The following OTOF variants were observed in gnomAD, a reference collection of about 807,000 sequenced individuals.
OTOF encodes fer-1-like family member 2.
OTOF carries 218 observed loss-of-function variants against 236.8 expected under a neutral mutation model. The observed-to-expected ratio is 0.92, with a 90% CI of 0.82 to 1.03. The LOEUF is 1.03. Among genes scored for constraint, OTOF ranks in the 50% least tolerant of loss-of-function variants. The pLI, the probability that OTOF is intolerant of heterozygous loss-of-function variation, is 0.00. For missense variants in OTOF, 2,590 were observed against 2,694.4 expected (o/e 0.96, Z 0.86); for synonymous variants, 1,041 against 1,072.5 (o/e 0.97, Z 0.57).
At position 26,473,468 on chromosome 2, in the gene OTOF, A is replaced by G. The variant is rs1309577953; in HGVS notation, c.3508T>C (p.Ser1170Pro). 1 of 1,613,092 alleles carries G rather than the reference A, an allele frequency of 6.2e-7. No individual in the cohort carries two copies. The highest frequency in any genetic ancestry group is 8.5e-7 in the Non-Finnish European group (1 of 1,179,972). The change falls in exon 28 of 47, where the codon TCC becomes CCC. Residue 1170 changes from serine (S) to proline (P), a missense_variant. Ser to Pro is a moderately conservative substitution (Grantham distance 74). Coordinates refer to ENST00000272371, the MANE Select transcript of OTOF (RefSeq NM_194248.3). This position sits in a 1 kb window ranked among gnomAD's most constrained non-coding sequence, Gnocchi z 7.2. ...TTCTTCTTATAATTGTGGATCAGGG[A>G]CGACTGCACCCCCTTCCCTGCACAC... is the stretch of plus-strand genomic sequence containing the variant. ...IECAGKGVQS[S>P]LIHNYKKNPN...
intron 1 of OTOF, among the ~76,000 whole-genome samples, chr2:26,551,003 C>A (rs574586998): frequency 6.6e-6 from 1 of 152,080 alleles, no homozygotes; most frequent in African/African-American, 2.4e-5. Context: ...TTTTTTCCCC[C>A]CCTTGAGACA....
rs1338347551 is a variant in OTOF, at chr2:26,462,617, C to G, written c.5193-436G>C. 1.3e-5 allele frequency among the ~76,000 whole-genome samples: 2 copies of G among 152,204 alleles called. No homozygotes were observed. Among genetic ancestry groups the G allele is most frequent in the African/African-American group, 2.4e-5 (1 of 41,432 alleles). On this transcript the variant is annotated intron_variant, in intron 41 of 46. Coordinates refer to ENST00000272371, the MANE Select transcript of OTOF (RefSeq NM_194248.3). The surrounding 1 kb of genome is among the most constrained non-coding windows in gnomAD (Gnocchi z 4.7). ...ACTAAAAATTGATCTGAGCATGGCT[C>G]TCCTGGGATTGCAGACAGGGCTGCG...
chr2:26,464,072 C>T lies in OTOF; in HGVS notation c.4995G>A (p.Leu1665=), dbSNP rs111033371. Residue 1665 remains leucine, a synonymous_variant, in exon 40 of 47, where the codon CTG becomes CTA. Transcript: ENST00000272371. ...QRKPTDEHVA[L]LALRHWEDIP... is the part of the protein sequence containing the mutation. ...TGTCCTCCCAGTGCCTCAGGGCCAA[C>T]AGCGCCACATGCTCGTCTGTGGGCT... 2 of 1,613,670 alleles carry T rather than the reference C, an allele frequency of 1.2e-6. No homozygotes were observed. The highest frequency in any genetic ancestry group is 1.1e-5 in the South Asian group (1 of 91,088).
At position 26,495,960 on chromosome 2, in the gene OTOF, C is replaced by G. The variant is rs6722713; in HGVS notation, c.766-887G>C. On this transcript the variant is annotated intron_variant, in intron 8 of 46. Transcript: ENST00000272371. ...GCATTTCTGGAATTTGGCTCCCCCC[C>G]CTTTCCACATTGTTTGCTGAATTTC... Among the ~76,000 whole-genome samples, 1,244 of 152,222 alleles carry G rather than the reference C, an allele frequency of 8.2e-3. 19 individuals are homozygous for G. Among genetic ancestry groups the G allele is most frequent in the African/African-American group, 0.028 (1,178 of 41,504 alleles).
rs1431710843 is a variant in OTOF at position 26,489,121 on chromosome 2, C to G, written c.1045+90G>C. The G allele has an allele frequency of 3.2e-6, 3 of 942,280 alleles. No homozygotes were observed. In the African/African-American group the frequency reaches 4.9e-5, roughly 15 times the overall value. The allele number at this position is 942,280 out of a possible 1,614,324, so 58.4% of individuals were successfully genotyped here. ...AGACTGTGGTCCTTGCCAGCCTTTT[C>G]CCAGGAACTGCCACAGTGGGAAGGG... is the stretch of plus-strand genomic sequence containing the variant. On this transcript the variant is annotated intron_variant, in intron 11 of 46. Coordinates refer to ENST00000272371, the MANE Select transcript of OTOF (RefSeq NM_194248.3).
chr2:26,518,567 G>A (rs768926650), intron 4 of OTOF, among the ~76,000 whole-genome samples: 8 of 152,262 alleles, frequency 5.3e-5, no homozygotes, highest in Non-Finnish European at 7.3e-5. Flanking sequence ...TAGTGCACGC[G>A]TGCTCACGCA....
intron 2 of OTOF, among the ~76,000 whole-genome samples, chr2:26,529,693 T>G (rs1175706763): frequency 1.3e-5 from 2 of 151,948 alleles, no homozygotes; most frequent in Non-Finnish European, 2.9e-5. Context: ...AGGGCCTGTC[T>G]CAGGAAAACG....
intron 3 of OTOF, 85 bp from the exon 4 acceptor site, chr2:26,519,194 T>C (rs1468596745): frequency 6.4e-6 from 6 of 940,182 alleles, no homozygotes; most frequent in Non-Finnish European, 1.0e-5. Context: ...CTGTGACTGC[T>C]TGGGGAGGAC....
chr2:26,501,681 T>C (rs909124475), intron 8 of OTOF, 73 bp downstream of exon 8: 3 of 1,019,514 alleles, frequency 2.9e-6, no homozygotes, highest in East Asian at 2.4e-5. Flanking sequence ...GTATAGTGGA[T>C]AATGCACATC....
intron 1 of OTOF, among the ~76,000 whole-genome samples, chr2:26,557,421 G>A (rs1369394428): frequency 6.6e-6 from 1 of 152,120 alleles, no homozygotes; most frequent in African/African-American, 2.4e-5. Flanking sequence ...AGAGGTGGGT[G>A]GTGAAGGACA....
At chr2:26,510,696 G>C in intron 5 of OTOF, 1 of 1,288,652 alleles carries the variant, frequency 7.8e-7, no homozygotes, top group African/African-American at 1.5e-5. Context: ...CCTCGCCTGG[G>C]ACACCTACTT....
intron 8 of OTOF, among the ~76,000 whole-genome samples, chr2:26,501,203 CTTT>C (rs1666108462): frequency 6.6e-6 from 1 of 152,180 alleles, no homozygotes; most frequent in Admixed American, 6.5e-5. Context: ...GTCAACCTCT[CTTT>C]GTCTCAGTCT....
intron 8 of OTOF, among the ~76,000 whole-genome samples, chr2:26,499,864 C>G (rs1326424766): frequency 1.3e-5 from 2 of 152,194 alleles, no homozygotes; most frequent in African/African-American, 2.4e-5. Context: ...CCTCATAGCT[C>G]TCACTCAAAT....
chr2:26,501,064 C>G (rs911177517), intron 8 of OTOF, among the ~76,000 whole-genome samples: 1 of 152,196 alleles, frequency 6.6e-6, no homozygotes, highest in Non-Finnish European at 1.5e-5. Flanking sequence ...TCCTGTTAGC[C>G]TCCAAGGGAG....
rs371116849 is a variant in OTOF at position 26,464,857 on chromosome 2, G to A, written c.4960+12C>T. On this transcript the variant is annotated intron_variant, in intron 39 of 46. Coordinates refer to ENST00000272371, the MANE Select transcript of OTOF (RefSeq NM_194248.3). The stretch of plus-strand genomic sequence containing the variant: ...GAGAGGGGGCAGGCGGCTGCATCCA[G>A]TGCCCCATTACCGTTCTCGTCCTCA... 1.7e-5 allele frequency: 27 copies of A among 1,600,808 alleles called. No individual in the cohort carries two copies. Among genetic ancestry groups the A allele is most frequent in the Non-Finnish European group, 2.1e-5 (25 of 1,173,328 alleles).
rs727504911 is a variant in OTOF at position 26,519,102 on chromosome 2, C to T, written c.235G>A (p.Gly79Arg). Reference protein sequence around the residue: ...YSKVFSNKLIGTFRMVLQKVV... With the variant: ...YSKVFSNKLIRTFRMVLQKVV... ...TTCTGCAGCACCATGCGGAAGGTCC[C>T]GATGAGCCTGGGGATGGCAGAGGGG... The change falls in exon 4 of 47, where the codon GGG becomes AGG. Residue 79 changes from glycine (G) to arginine (R), a missense_variant. Physicochemically the swap from Gly to Arg is moderately radical, Grantham distance 125. Coordinates refer to ENST00000272371, the MANE Select transcript of OTOF (RefSeq NM_194248.3). 23 of 1,597,098 alleles carry T rather than the reference C, an allele frequency of 1.4e-5. No individual in the cohort carries two copies. In the East Asian group the frequency reaches 1.8e-4, roughly 12 times the overall value.
Position 26,484,616 on chromosome 2 carries a change from T to A in OTOF, c.1063A>T (p.Lys355Ter). Residue 355 changes from lysine to a stop codon, truncating the protein, a stop_gained, in exon 12 of 47, where the codon AAG (lysine) becomes TAG (stop). Coordinates refer to ENST00000272371, the MANE Select transcript of OTOF (RefSeq NM_194248.3). LOFTEE classifies it high-confidence loss of function. Reference sequence around the variant, plus strand: ...TCGGGGTCAGACAGGATGGCCCACTTGTGATGGAACTGGTGCTCTGCAATG... The same window carrying A: ...TCGGGGTCAGACAGGATGGCCCACTAGTGATGGAACTGGTGCTCTGCAATG... ...YSQPEHQFHH[K>*]WAILSDPDDI... is the part of the protein sequence containing the mutation. 1 of 1,613,780 alleles carries A rather than the reference T, an allele frequency of 6.2e-7. No individual in the cohort carries two copies. Among genetic ancestry groups the A allele is most frequent in the Non-Finnish European group, 8.5e-7 (1 of 1,179,988 alleles).
At chr2:26,534,984 A>G (rs1362706264) in intron 2 of OTOF, among the ~76,000 whole-genome samples, 1 of 152,186 alleles carries the variant, frequency 6.6e-6, no homozygotes, top group African/African-American at 2.4e-5. Context: ...GTCTAGGGAG[A>G]AAGGTTAAAG....
At chr2:26,482,212 C>T (rs1345417694) in intron 14 of OTOF, among the ~76,000 whole-genome samples, 194 bp downstream of exon 14, 1 of 152,128 alleles carries the variant, frequency 6.6e-6, no homozygotes, top group East Asian at 1.9e-4. Context: ...GGGCTCAGGC[C>T]AGCTCTGAGC....
Sources: gnomAD v4.1 joint callset for allele counts (sites outside exome capture counted in the v4.1 genomes callset) on GRCh38, gnomAD v4.1.1 for gene constraint, Gnocchi (gnomAD v3.1) non-coding constraint, MANE v1.5 for transcripts, NCBI Gene and HGNC (gene_info 2026-07-23, HGNC 2026-07-21) for gene names.